KLK11: variants seen among roughly 807,000 people sequenced by gnomAD.
The protein encoded by KLK11 is kallikrein related peptidase 11, also known as kallikrein-11.
KLK11 carries 10 observed loss-of-function variants against 23.4 expected under a neutral mutation model. The observed-to-expected ratio is 0.43, with a 90% confidence interval of 0.26 to 0.73. The LOEUF (loss-of-function observed/expected upper bound fraction) is 0.73, where lower values mean the gene tolerates loss of function less well. Ranked by LOEUF, KLK11 falls within the 30% of genes least tolerant of loss-of-function variation. The probability of loss-of-function intolerance (pLI) is 0.22; values close to 1 mark genes in which losing one functional copy is unlikely to be tolerated. For missense variants in KLK11, 285 were observed against 327.8 expected (o/e 0.87, Z 1.01); for synonymous variants, 131 against 131.7 (o/e 0.99, Z 0.03).
upstream of KLK11, chr19:51,027,336 G>A (rs904803660): frequency 2.0e-6 from 2 of 1,025,086 alleles, no homozygotes; most frequent in African/African-American, 3.1e-5. Context: ...CCAGGAAAGG[G>A]AACAGAGCCC....
Position 51,025,711 on chromosome 19 carries a change from A to T in KLK11, c.-35-45T>A. ...TGGGGCCGCATCACTTTACGGGGAA[A>T]TCGGGAGGGGGGGGCTGGCTCATGC... On this transcript the variant is annotated intron_variant, in intron 1 of 5. Coordinates refer to ENST00000453757, the MANE Select transcript of KLK11 (RefSeq NM_001136032.3). This position sits in a 1 kb window ranked among gnomAD's most constrained non-coding sequence, Gnocchi z 6.2. The T allele has an allele frequency of 1.3e-6, 1 of 797,274 alleles. No homozygotes were observed. Among genetic ancestry groups the T allele is most frequent in the Non-Finnish European group, 2.0e-6 (1 of 503,950 alleles). 49.4% of individuals were successfully genotyped at this position (797,274 alleles called of 1,614,324 possible).
rs1220356447 is a variant in KLK11, at chr19:51,024,244, T to C, written c.264A>G (p.Thr88=). The C allele has an allele frequency of 1.9e-6, 3 of 1,614,104 alleles. 1 individual carries two copies. The highest frequency in any genetic ancestry group is 4.5e-5 in the East Asian group (2 of 44,870). Residue 88 remains threonine, a synonymous_variant, in exon 4 of 6, where the codon ACA becomes ACG. Coordinates refer to ENST00000453757, the MANE Select transcript of KLK11 (RefSeq NM_001136032.3). This position sits in a 1 kb window ranked among gnomAD's most constrained non-coding sequence, Gnocchi z 6.2. ...CGGGGTGGGGGAAGGACTCAGTGGCTGTCCGGGTCTGCTCACAGCCCTCCT... is the reference window on the plus strand; with the variant it reads ...CGGGGTGGGGGAAGGACTCAGTGGCCGTCCGGGTCTGCTCACAGCCCTCCT... The part of the protein sequence containing the change: ...QKEEGCEQTR[T]ATESFPHPGF...
At chr19:51,027,845 G>A, upstream of KLK11, 1 of 269,342 alleles carries the variant, frequency 3.7e-6, no homozygotes, top group Non-Finnish European at 7.1e-6. Flanking sequence ...CAGACTGCGG[G>A]GGGGCTCAGC....
At chr19:51,023,304 G>A (rs534065522) in intron 4 of KLK11, 76 bp from the exon 5 acceptor site, 26 of 1,533,096 alleles carry the variant, frequency 1.7e-5, no homozygotes, top group South Asian at 2.4e-5. Context: ...CTGTGATCCC[G>A]CCCCTGGGGG....
chr19:51,026,672 C>T (rs1215046400), upstream of KLK11: 27 of 903,886 alleles, frequency 3.0e-5, no homozygotes, highest in East Asian at 1.2e-4. Context: ...CGGCCCTGGG[C>T]GGGCCCAGGA....
At position 51,024,452 on chromosome 19, in the gene KLK11, C is replaced by A. The variant is rs553411611; in HGVS notation, c.198-142G>T. 4 of 1,393,958 alleles carry A rather than the reference C, an allele frequency of 2.9e-6. No individual in the cohort carries two copies. In the South Asian group the frequency reaches 4.2e-5, roughly 15 times the overall value. 86.3% of individuals were successfully genotyped at this position (1,393,958 alleles called of 1,614,324 possible). A position where few individuals can be genotyped will look rare whatever the true frequency, so the allele number is the denominator to read the frequency against. On this transcript the variant is annotated intron_variant, in intron 3 of 5. Coordinates refer to ENST00000453757, the MANE Select transcript of KLK11 (RefSeq NM_001136032.3). This position sits in a 1 kb window ranked among gnomAD's most constrained non-coding sequence, Gnocchi z 6.2. ...TCTCCCACCGAAGCCCCCTTCCCAG[C>A]CATAGCCCCATCCCAACCCCATTCA...
Position 51,022,670 on chromosome 19 carries a change from T to C in KLK11, c.628A>G (p.Asn210Asp), listed in dbSNP as rs1405373491. The C allele has an allele frequency of 1.9e-6, 3 of 1,613,056 alleles. No homozygotes were observed. The highest frequency in any genetic ancestry group is 2.7e-5 in the African/African-American group (2 of 74,844). ...GAGATAATGCCTTGAAGAGACTGGT[T>C]ACAGACCAGAGGGCCCCCGGAGTCA... ...QGDSGGPLVC[N>D]QSLQGIISWG... Residue 210 changes from asparagine to aspartate, a missense_variant, in exon 6 of 6, where the codon AAC becomes GAC. Physicochemically the swap from Asn to Asp is conservative, Grantham distance 23. Transcript: ENST00000453757.
Position 51,024,647 on chromosome 19 carries a change from C to A in KLK11, c.188G>T (p.Cys63Phe). 1 of 1,571,240 alleles carries A rather than the reference C, an allele frequency of 6.4e-7. No homozygotes were observed. Among genetic ancestry groups the A allele is most frequent in the South Asian group, 1.2e-5 (1 of 85,374 alleles). The part of the protein sequence containing the change: ...APRWLLTAAH[C>F]LKPRYIVHLG... ...CAGCCCCCGCACCCACGGCTTGAGG[C>A]AGTGGGCTGCTGTCAGGAGCCATCT... The change falls in exon 3 of 6, where the codon TGC becomes TTC. Residue 63 changes from cysteine to phenylalanine, a missense_variant. By Grantham distance (205) the Cys-to-Phe change is radical. Transcript: ENST00000453757. The surrounding 1 kb of genome is among the most constrained non-coding windows in gnomAD (Gnocchi z 6.2).
At position 51,025,564 on chromosome 19, in the gene KLK11, T is replaced by A. The variant is rs1283912865; in HGVS notation, c.40+28A>T. On this transcript the variant is annotated intron_variant, in intron 2 of 5. Coordinates refer to ENST00000453757, the MANE Select transcript of KLK11 (RefSeq NM_001136032.3). The surrounding 1 kb of genome is among the most constrained non-coding windows in gnomAD (Gnocchi z 6.2). ...GATCCCAGAGATTCAAGAGGGAGGA[T>A]CCTGCCCTGCCCCCATCCCCTGCGT... is the stretch of plus-strand genomic sequence containing the variant. 17 of 1,477,462 alleles carry A rather than the reference T, an allele frequency of 1.2e-5. 1 individual carries two copies. In the African/African-American group the frequency reaches 1.3e-4, roughly 11 times the overall value. The allele number at this position is 1,477,462 out of a possible 1,614,324, so 91.5% of individuals were successfully genotyped here.
At chr19:51,027,410 C>G (rs761194483), upstream of KLK11, 3 of 1,596,194 alleles carry the variant, frequency 1.9e-6, no homozygotes, top group Non-Finnish European at 2.6e-6. Context: ...TTCCCCTGCC[C>G]GCTTCTCCCT....
rs116538808 is a variant in KLK11, at chr19:51,022,244, C to T, written c.*301G>A. 8 of 418,688 alleles carry T rather than the reference C, an allele frequency of 1.9e-5. No individual in the cohort carries two copies. The highest frequency in any genetic ancestry group is 1.6e-4 in the African/African-American group (8 of 49,166). The allele number at this position is 418,688 out of a possible 1,614,324, so 25.9% of individuals were successfully genotyped here. ...GCACTCAGTAGATTCACTCATTTAG[C>T]AAATATTTATTGAAACCTTGATATA... is the stretch of plus-strand genomic sequence containing the variant. On this transcript the variant is annotated 3_prime_UTR_variant, in exon 6 of 6. Transcript: ENST00000453757.
chr19:51,022,362 A>G lies in KLK11; in HGVS notation c.*183T>C. 1 of 651,656 alleles carries G rather than the reference A, an allele frequency of 1.5e-6. No individual in the cohort carries two copies. The highest frequency in any genetic ancestry group is 2.7e-5 in the Admixed American group (1 of 36,530). The allele number at this position is 651,656 out of a possible 1,614,324, so 40.4% of individuals were successfully genotyped here. A position where few individuals can be genotyped will look rare whatever the true frequency, so the allele number is the denominator to read the frequency against. ...TCACAATATTTCAAGGCAGAATTTGAATCCAGGTCTCACTGATTTCGAACC... is the reference window on the plus strand; with the variant it reads ...TCACAATATTTCAAGGCAGAATTTGGATCCAGGTCTCACTGATTTCGAACC... On this transcript the variant is annotated 3_prime_UTR_variant, in exon 6 of 6. Transcript: ENST00000453757.
rs764377132 is a variant in KLK11, at chr19:51,024,595, TCCCAGCCCCCCACCCCGGCACCGC to T, written c.197+19_197+42del. The T allele has an allele frequency of 1.5e-4, 221 of 1,457,480 alleles. No homozygotes were observed. Among genetic ancestry groups the T allele is most frequent in the Non-Finnish European group, 2.0e-4 (217 of 1,100,906 alleles). 90.3% of individuals were successfully genotyped at this position (1,457,480 alleles called of 1,614,324 possible). Reference sequence around the variant, plus strand: ...AGCTTCTCTCCATCCATCTCCCCATTCCCAGCCCCCCACCCCGGCACCGCCCCAGCCCCCGCACCCACGGCTTGA... The same window carrying T: ...AGCTTCTCTCCATCCATCTCCCCATTCCCAGCCCCCGCACCCACGGCTTGA... On this transcript the variant is annotated intron_variant, in intron 3 of 5. Transcript: ENST00000453757. The surrounding 1 kb of genome is among the most constrained non-coding windows in gnomAD (Gnocchi z 6.2).
In KLK11 at chr19:51,023,569, G is replaced by A. The variant is rs2091433790; in HGVS notation, c.464-341C>T. The A allele has an allele frequency of 3.0e-5, 7 of 235,934 alleles. No homozygotes were observed. In the South Asian group the frequency reaches 3.8e-4, roughly 13 times the overall value. The allele number at this position is 235,934 out of a possible 1,614,324, so 14.6% of individuals were successfully genotyped here. On this transcript the variant is annotated intron_variant, in intron 4 of 5. Coordinates refer to ENST00000453757, the MANE Select transcript of KLK11 (RefSeq NM_001136032.3). ...CCAACTAATTTTCACATTTTTAGTA[G>A]AGATGGGATTTCACCACGTTGGCCA...
In KLK11 at chr19:51,024,546, C is replaced by T. The variant is rs543725958; in HGVS notation, c.197+92G>A. 8 of 1,359,424 alleles carry T rather than the reference C, an allele frequency of 5.9e-6. No homozygotes were observed. Among genetic ancestry groups the T allele is most frequent in the Non-Finnish European group, 7.8e-6 (8 of 1,025,116 alleles). The allele number at this position is 1,359,424 out of a possible 1,614,324, so 84.2% of individuals were successfully genotyped here. ...ACACTACCCATCCCCATCTCTAATC[C>T]CCTTACCAGCACCCCTATCCCTGAG... On this transcript the variant is annotated intron_variant, in intron 3 of 5. Coordinates refer to ENST00000453757, the MANE Select transcript of KLK11 (RefSeq NM_001136032.3). This position sits in a 1 kb window ranked among gnomAD's most constrained non-coding sequence, Gnocchi z 6.2.
rs1327083968 is a variant in KLK11 at position 51,024,829 on chromosome 19, A to T, written c.41-35T>A. ...GTGAGAGCAAAAGAAGGGGCTCAGG[A>T]AGGAGAGGTGGTAGACCAGGAGGAC... is the stretch of plus-strand genomic sequence containing the variant. On this transcript the variant is annotated intron_variant, in intron 2 of 5. Transcript: ENST00000453757. This position sits in a 1 kb window ranked among gnomAD's most constrained non-coding sequence, Gnocchi z 6.2. 1 of 1,522,770 alleles carries T rather than the reference A, an allele frequency of 6.6e-7. No individual in the cohort carries two copies. Among genetic ancestry groups the T allele is most frequent in the Non-Finnish European group, 8.8e-7 (1 of 1,142,242 alleles). 94.3% of individuals were successfully genotyped at this position (1,522,770 alleles called of 1,614,324 possible).
rs145496008 is a variant in KLK11 at position 51,023,186 on chromosome 19, A to T, written c.506T>A (p.Ile169Asn). ...GGCGTTCTCACACTTCTGGTGCTCA[A>T]TGATGGTGATGTTGGCGCATCGCAA... ...HTLRCANITIIEHQKCENAYP... is the reference protein window; with the variant it reads ...HTLRCANITINEHQKCENAYP... The change falls in exon 5 of 6, where the codon ATT becomes AAT. Residue 169 changes from isoleucine to asparagine, a missense_variant. Physicochemically the swap from Ile to Asn is moderately radical, Grantham distance 149. Transcript: ENST00000453757. 6.8e-6 allele frequency: 11 copies of T among 1,613,614 alleles called. No individual in the cohort carries two copies. The highest frequency in any genetic ancestry group is 9.3e-6 in the Non-Finnish European group (11 of 1,179,936).
In KLK11 at chr19:51,024,780, C is replaced by T; in HGVS notation, c.55G>A (p.Glu19Lys). ...TCGAACCCCTTGATGATCCTGGTCT[C>T]TCCCCCTACAAGCCCTGGAGGGGGT... ...LALATGLVGG[E>K]TRIIKGFECK... is the part of the protein sequence containing the mutation. The change falls in exon 3 of 6, where the codon GAG becomes AAG. Residue 19 changes from glutamate to lysine, a missense_variant. By Grantham distance (56) the Glu-to-Lys change is moderately conservative. Transcript: ENST00000453757. The surrounding 1 kb of genome is among the most constrained non-coding windows in gnomAD (Gnocchi z 6.2). 1 of 1,590,288 alleles carries T rather than the reference C, an allele frequency of 6.3e-7. No individual in the cohort carries two copies. Among genetic ancestry groups the T allele is most frequent in the Non-Finnish European group, 8.5e-7 (1 of 1,172,026 alleles).
At chr19:51,027,204 T>C (rs1405079637), upstream of KLK11, 1 of 498,180 alleles carries the variant, frequency 2.0e-6, no homozygotes, top group African/African-American at 2.0e-5. Context: ...CCTAGGCCGC[T>C]CCCTTCTCCT....
Sources: gnomAD v4.1 joint callset for allele counts on GRCh38, gnomAD v4.1.1 for gene constraint, Gnocchi (gnomAD v3.1) non-coding constraint, MANE v1.5 for transcripts, NCBI Gene and HGNC (gene_info 2026-07-23, HGNC 2026-07-21) for gene names.